LRRC8C: variants seen among roughly 807,000 people sequenced by gnomAD.
LRRC8C encodes leucine rich repeat containing 8 VRAC subunit C.
LRRC8C carries 20 observed loss-of-function variants against 55.3 expected under a neutral mutation model. The observed-to-expected ratio is 0.36, with a 90% CI of 0.25 to 0.53. The LOEUF (loss-of-function observed/expected upper bound fraction) is 0.53. Ranked by LOEUF, LRRC8C falls within the 20% of genes least tolerant of loss-of-function variation. LRRC8C has a pLI of 0.92. For missense variants in LRRC8C, 659 were observed against 951.4 expected, an observed-to-expected ratio of 0.69 and a Z score of 4.04; for synonymous variants, 376 against 360.7, an observed-to-expected ratio of 1.04 and a Z score of -0.48.
rs575372037 is a variant in LRRC8C, at chr1:89,645,517, G to A, written c.-5+12195G>A. On this transcript the variant is annotated intron_variant, in intron 1 of 2. Transcript: ENST00000370454. ...ACACATCAACTTACCAATCTGAAAA[G>A]CACATTATACCACAAGCAGGTTAAG... 5.7e-4 allele frequency among the ~76,000 whole-genome samples: 87 copies of A among 152,264 alleles called. 2 individuals are homozygous for A. In the South Asian group the frequency reaches 8.5e-3, roughly 15 times the overall value.
intron 1 of LRRC8C, among the ~76,000 whole-genome samples, chr1:89,654,555 T>C (rs563333495): frequency 6.6e-6 from 1 of 152,326 alleles, no homozygotes; most frequent in African/African-American, 2.4e-5. Flanking sequence ...TACATAAAAA[T>C]AAATTTTCTG....
intron 1 of LRRC8C, among the ~76,000 whole-genome samples, chr1:89,656,028 CTG>C (rs1179493079): frequency 1.3e-5 from 2 of 152,242 alleles, no homozygotes; most frequent in African/African-American, 4.8e-5. Context: ...AAACAAGCAG[CTG>C]TGTCTCGACT....
chr1:89,634,957 C>A (rs1656237761), intron 1 of LRRC8C, among the ~76,000 whole-genome samples: 1 of 152,164 alleles, frequency 6.6e-6, no homozygotes, highest in African/African-American at 2.4e-5. Flanking sequence ...CAGGACCCAT[C>A]AACCCAACAA....
chr1:89,655,223 G>A (rs1428200234), intron 1 of LRRC8C, among the ~76,000 whole-genome samples: 3 of 151,404 alleles, frequency 2.0e-5, no homozygotes, highest in Non-Finnish European at 4.4e-5. Flanking sequence ...ACCTTATGCT[G>A]ATTTTTTCAT....
chr1:89,633,159 G>A lies in LRRC8C; in HGVS notation c.-168G>A, dbSNP rs1329877845. Reference sequence around the variant, plus strand: ...GGCTGGAAGCCCGCGAAGAGAAGTAGGAGGAAGGCGCCGCCGTGGCCGCGG... The same window carrying A: ...GGCTGGAAGCCCGCGAAGAGAAGTAAGAGGAAGGCGCCGCCGTGGCCGCGG... On this transcript the variant is annotated 5_prime_UTR_variant, in exon 1 of 3. Transcript: ENST00000370454. 6.6e-6 allele frequency: 1 copy of A among 152,158 alleles called. No individual in the cohort carries two copies. The highest frequency in any genetic ancestry group is 1.9e-4 in the East Asian group (1 of 5,182). The allele number at this position is 152,158 out of a possible 1,614,324, so 9.4% of individuals were successfully genotyped here. A position where few individuals can be genotyped will look rare whatever the true frequency, so the allele number is the denominator to read the frequency against.
At chr1:89,653,669 T>G (rs1214795380) in intron 1 of LRRC8C, among the ~76,000 whole-genome samples, 1 of 152,116 alleles carries the variant, frequency 6.6e-6, no homozygotes, top group African/African-American at 2.4e-5. Flanking sequence ...CTAGATAGAT[T>G]TTAAAGATTG....
chr1:89,658,349 T>A (rs1444070311), intron 1 of LRRC8C, among the ~76,000 whole-genome samples: 3 of 152,240 alleles, frequency 2.0e-5, no homozygotes, highest in Non-Finnish European at 4.4e-5. Context: ...GTGTGTTTGC[T>A]TGGAAACCTG....
intron 1 of LRRC8C, among the ~76,000 whole-genome samples, chr1:89,636,743 T>C (rs1557644167): frequency 6.6e-6 from 1 of 152,166 alleles, no homozygotes; most frequent in East Asian, 1.9e-4. Flanking sequence ...AGTTCACTTA[T>C]AATTCAGACA....
chr1:89,659,876 T>C lies in LRRC8C; in HGVS notation c.-5+26554T>C, dbSNP rs1657064933. ...GCATGCCAAAATGAGCAACCTGGTCTCTGCCCTTACAGAATTTACAGTGTG... is the reference window on the plus strand; with the variant it reads ...GCATGCCAAAATGAGCAACCTGGTCCCTGCCCTTACAGAATTTACAGTGTG... On this transcript the variant is annotated intron_variant, in intron 1 of 2. Transcript: ENST00000370454. 1.3e-5 allele frequency among the ~76,000 whole-genome samples: 2 copies of C among 152,180 alleles called. 1 individual carries two copies. Among genetic ancestry groups the C allele is most frequent in the Non-Finnish European group, 2.9e-5 (2 of 68,032 alleles).
chr1:89,692,287 G>A (rs200761971), intron 2 of LRRC8C, among the ~76,000 whole-genome samples: 2 of 152,058 alleles, frequency 1.3e-5, no homozygotes, highest in African/African-American at 4.8e-5. Flanking sequence ...CTCCTATATT[G>A]GAATACATGA....
intron 2 of LRRC8C, among the ~76,000 whole-genome samples, chr1:89,711,546 A>G (rs1188718574): frequency 6.6e-6 from 1 of 152,220 alleles, no homozygotes; most frequent in Non-Finnish European, 1.5e-5. Flanking sequence ...TTCCTTTGAA[A>G]TGTCAACTTT....
At chr1:89,704,334 C>A (rs562427690) in intron 2 of LRRC8C, among the ~76,000 whole-genome samples, 2 of 152,094 alleles carry the variant, frequency 1.3e-5, no homozygotes, top group Non-Finnish European at 2.9e-5. Context: ...TAGCAAAACT[C>A]CCTACATGCA....
intron 2 of LRRC8C, among the ~76,000 whole-genome samples, chr1:89,689,567 G>A (rs1266121806): frequency 6.6e-6 from 1 of 152,110 alleles, no homozygotes; most frequent in Non-Finnish European, 1.5e-5. Flanking sequence ...TTTGAGTAGG[G>A]TGAAAGCAGT....
chr1:89,713,020 T>C lies in LRRC8C; in HGVS notation c.450T>C (p.Gly150=), dbSNP rs2101360229. Residue 150 remains glycine (G), a synonymous_variant, in exon 3 of 3, where the codon GGT becomes GGC. Transcript: ENST00000370454. The surrounding 1 kb of genome is among the most constrained non-coding windows in gnomAD (Gnocchi z 5.2). Reference sequence around the variant, plus strand: ...GTAACTTTTGGTTCAAATTCCCTGGTTCCAGCTCCAAAATAGAACATTTCA... The same window carrying C: ...GTAACTTTTGGTTCAAATTCCCTGGCTCCAGCTCCAAAATAGAACATTTCA... ...LCSNFWFKFP[G]SSSKIEHFIS... is the part of the protein sequence containing the mutation. The C allele has an allele frequency of 3.7e-6, 6 of 1,614,214 alleles. No individual in the cohort carries two copies. Among genetic ancestry groups the C allele is most frequent in the Non-Finnish European group, 5.1e-6 (6 of 1,180,040 alleles).
intron 2 of LRRC8C, chr1:89,706,202 G>T (rs1557668035): frequency 2.3e-6 from 1 of 439,904 alleles, no homozygotes. Flanking sequence ...ACTGCAGAAT[G>T]ACTTTTCCTG....
intron 1 of LRRC8C, among the ~76,000 whole-genome samples, chr1:89,640,337 A>C (rs1656419655): frequency 6.6e-6 from 1 of 152,260 alleles, no homozygotes; most frequent in African/African-American, 2.4e-5. Flanking sequence ...TGCTGGGATT[A>C]CAGGCATGAG....
Position 89,714,519 on chromosome 1 carries a change from C to T in LRRC8C, c.1949C>T (p.Thr650Ile), listed in dbSNP as rs1309972108. The T allele has an allele frequency of 6.2e-7, 1 of 1,614,068 alleles. No individual in the cohort carries two copies. The highest frequency in any genetic ancestry group is 2.2e-5 in the East Asian group (1 of 44,900). Residue 650 changes from threonine to isoleucine, a missense_variant, in exon 3 of 3, where the codon ACC becomes ATC. Physicochemically the swap from Thr to Ile is moderately conservative, Grantham distance 89. Transcript: ENST00000370454. This position sits in a 1 kb window ranked among gnomAD's most constrained non-coding sequence, Gnocchi z 4.6. ...CTAAAACTGTGGCATAACAGCATCA[C>T]CTACATCCCAGAGCATATAAAGAAA... ...TVLKLWHNSITYIPEHIKKLT... is the reference protein window; with the variant it reads ...TVLKLWHNSIIYIPEHIKKLT...
At chr1:89,679,811 C>T (rs1221919999) in intron 1 of LRRC8C, among the ~76,000 whole-genome samples, 1 of 152,116 alleles carries the variant, frequency 6.6e-6, no homozygotes, top group Admixed American at 6.5e-5. Flanking sequence ...TACCCACTGT[C>T]AGAAAAATGT....
At chr1:89,709,344 C>G (rs1658579311) in intron 2 of LRRC8C, among the ~76,000 whole-genome samples, 1 of 152,234 alleles carries the variant, frequency 6.6e-6, no homozygotes, top group African/African-American at 2.4e-5. Context: ...GAGAATGTGA[C>G]CTACTTCTCC....
Sources: gnomAD v4.1 joint callset for allele counts (sites outside exome capture counted in the v4.1 genomes callset) on GRCh38, gnomAD v4.1.1 for gene constraint, Gnocchi (gnomAD v3.1) non-coding constraint, MANE v1.5 for transcripts, NCBI Gene and HGNC (gene_info 2026-07-23, HGNC 2026-07-21) for gene names.